Variants in EYA1 observed in about 807,000 individuals in gnomAD.
EYA1 encodes the protein protein phosphatase EYA1.
EYA1 carries 16 observed loss-of-function variants against 82.0 expected under a neutral mutation model. That is an observed-to-expected ratio of 0.20 (90% CI 0.13 to 0.30). The LOEUF (loss-of-function observed/expected upper bound fraction) is 0.30, where lower values mean the gene tolerates loss of function less well. Ranked by LOEUF, EYA1 falls within the 10% of genes least tolerant of loss-of-function variation. EYA1 has a pLI of 1.00. For missense variants in EYA1, 633 were observed against 730.7 expected (o/e 0.87, Z 1.54); for synonymous variants, 261 against 264.4 (o/e 0.99, Z 0.12).
At chr8:71,264,143 T>C (rs1586070525) in intron 11 of EYA1, among the ~76,000 whole-genome samples, 1 of 152,186 alleles carries the variant, frequency 6.6e-6, no homozygotes, top group African/African-American at 2.4e-5. Context: ...AGTAACCAGA[T>C]CTCCTGCAAC....
At chr8:71,441,267 C>A (rs1447665830) in intron 2 of EYA1, among the ~76,000 whole-genome samples, 1 of 152,066 alleles carries the variant, frequency 6.6e-6, no homozygotes, top group Non-Finnish European at 1.5e-5. Context: ...CCCAGTTGAC[C>A]AGCATGATGG....
intron 10 of EYA1, among the ~76,000 whole-genome samples, 163 bp downstream of exon 10, chr8:71,271,595 A>C (rs2128951205): frequency 6.6e-6 from 1 of 152,362 alleles, no homozygotes; most frequent in African/African-American, 2.4e-5. Flanking sequence ...TATAGTTAAT[A>C]AAGGAGAGAA....
At chr8:71,342,153 C>T (rs1332003718) in intron 3 of EYA1, among the ~76,000 whole-genome samples, 2 of 152,112 alleles carry the variant, frequency 1.3e-5, no homozygotes, top group African/African-American at 4.8e-5. Flanking sequence ...GCAACTGCTG[C>T]CAGACTAACA....
chr8:71,322,156 A>G lies in EYA1; in HGVS notation c.272+43T>C, dbSNP rs1822636137. 4 of 1,479,730 alleles carry G rather than the reference A, an allele frequency of 2.7e-6. No homozygotes were observed. The East Asian group carries it at 9.0e-5, about 33-fold the overall frequency. The allele number at this position is 1,479,730 out of a possible 1,614,324, so 91.7% of individuals were successfully genotyped here. On this transcript the variant is annotated intron_variant, in intron 5 of 17. Coordinates refer to ENST00000340726, the MANE Select transcript of EYA1 (RefSeq NM_000503.6). ...CATGACTTTAAATAAATAAAAGTCTACTCAGAGAAGTTATTTATTGATTAA... is the reference window on the plus strand; with the variant it reads ...CATGACTTTAAATAAATAAAAGTCTGCTCAGAGAAGTTATTTATTGATTAA...
At chr8:71,229,352 A>G (rs1810933210) in intron 12 of EYA1, among the ~76,000 whole-genome samples, 1 of 152,164 alleles carries the variant, frequency 6.6e-6, no homozygotes, top group Non-Finnish European at 1.5e-5. Context: ...TGTCATGTGT[A>G]TTTCACGTTC....
At position 71,197,553 on chromosome 8, in the gene EYA1, T is replaced by C. The variant is rs1806391405; in HGVS notation, c.*1787A>G. The C allele has an allele frequency of 6.6e-6, 1 of 152,542 alleles. No homozygotes were observed. The highest frequency in any genetic ancestry group is 2.4e-5 in the African/African-American group (1 of 41,450). The allele number at this position is 152,542 out of a possible 1,614,324, so 9.4% of individuals were successfully genotyped here. On this transcript the variant is annotated 3_prime_UTR_variant, in exon 18 of 18. Transcript: ENST00000340726. Reference sequence around the variant, plus strand: ...GTAAGGCCAAGATAAACTTTGTCTTTTCAGTCTGCAGAGTACAAAAACATA... The same window carrying C: ...GTAAGGCCAAGATAAACTTTGTCTTCTCAGTCTGCAGAGTACAAAAACATA...
At chr8:71,358,550 T>A (rs898226596) in intron 1 of EYA1, among the ~76,000 whole-genome samples, 2 of 152,182 alleles carry the variant, frequency 1.3e-5, no homozygotes, top group African/African-American at 4.8e-5. Context: ...TGAATCCACA[T>A]CGTGGTCCAG....
intron 1 of EYA1, among the ~76,000 whole-genome samples, chr8:71,538,207 T>C (rs955085810): frequency 2.0e-5 from 3 of 152,208 alleles, no homozygotes; most frequent in African/African-American, 7.2e-5. Flanking sequence ...TGATCTTTCA[T>C]GGTTTATAAA....
At chr8:71,274,889 CGAGA>C (rs899811231) in intron 9 of EYA1, among the ~76,000 whole-genome samples, 16 of 145,416 alleles carry the variant, frequency 1.1e-4, no homozygotes, top group African/African-American at 2.9e-4. Context: ...AGTGAGCGAG[CGAGA>C]GAGAGAGAGT....
Position 71,383,827 on chromosome 8 carries a change from G to GA in EYA1, c.34-27317dup, listed in dbSNP as rs1344820269. On this transcript the variant is annotated intron_variant, in intron 2 of 18. Transcript: ENST00000643681. The stretch of plus-strand genomic sequence containing the variant: ...TTTAATGTTTTGTTCCTTGAAAAAA[G>GA]AAAAGAAAAGATTTGGAGAATACAA... Among the ~76,000 whole-genome samples the GA allele has an allele frequency of 5.3e-5, 8 of 151,586 alleles. No individual in the cohort carries two copies. The East Asian group carries it at 9.7e-4, about 18-fold the overall frequency.
chr8:71,408,038 A>G lies in EYA1; in HGVS notation c.34-51527T>C, dbSNP rs1301399437. The stretch of plus-strand genomic sequence containing the variant: ...CAGCGGATCTCTCGGCAGAAACCCT[A>G]CAAGCCAGAAGAGAGTGGGGGCCAA... On this transcript the variant is annotated intron_variant, in intron 2 of 18. Coordinates refer to the EYA1 transcript ENST00000643681. Among the ~76,000 whole-genome samples the G allele has an allele frequency of 5.9e-5, 9 of 152,060 alleles. No individual in the cohort carries two copies. The East Asian group carries it at 1.7e-3, about 29-fold the overall frequency.
intron 2 of EYA1, among the ~76,000 whole-genome samples, chr8:71,464,688 T>C (rs1808651578): frequency 6.6e-6 from 1 of 152,212 alleles, no homozygotes. Context: ...TAATTTGAGA[T>C]TTCTAATCCT....
At chr8:71,442,779 C>T (rs977320301) in intron 2 of EYA1, among the ~76,000 whole-genome samples, 1 of 152,134 alleles carries the variant, frequency 6.6e-6, no homozygotes, top group African/African-American at 2.4e-5. Flanking sequence ...GCTTACTTGA[C>T]CAAAATCACA....
At chr8:71,214,277 C>T (rs1808900769) in intron 16 of EYA1, among the ~76,000 whole-genome samples, 1 of 152,122 alleles carries the variant, frequency 6.6e-6, no homozygotes, top group South Asian at 2.1e-4. Context: ...ACCTTTTCAG[C>T]TTTGGCTTCT....
intron 2 of EYA1, among the ~76,000 whole-genome samples, chr8:71,522,713 G>A (rs1352982586): frequency 6.6e-6 from 1 of 151,568 alleles, no homozygotes; most frequent in Non-Finnish European, 1.5e-5. Flanking sequence ...TGACCTCCAG[G>A]GCTCAAGTGC....
intron 2 of EYA1, among the ~76,000 whole-genome samples, chr8:71,413,923 C>T (rs1830729913): frequency 6.6e-6 from 1 of 152,198 alleles, no homozygotes; most frequent in South Asian, 2.1e-4. Flanking sequence ...ACAAGTGTCA[C>T]AAGCTGGGTT....
intron 11 of EYA1, among the ~76,000 whole-genome samples, chr8:71,262,574 A>G (rs1296224619): frequency 6.6e-6 from 1 of 152,204 alleles, no homozygotes; most frequent in African/African-American, 2.4e-5. Flanking sequence ...AGGGAGGTCC[A>G]AAGTTGCAGG....
chr8:71,275,062 G>A (rs1816999439), intron 9 of EYA1, among the ~76,000 whole-genome samples: 1 of 149,734 alleles, frequency 6.7e-6, no homozygotes, highest in Non-Finnish European at 1.5e-5. Context: ...AGGCTGGAGT[G>A]GCAGGTAAAG....
chr8:71,431,573 T>C (rs1309880071), intron 2 of EYA1, among the ~76,000 whole-genome samples: 1 of 152,196 alleles, frequency 6.6e-6, no homozygotes, highest in South Asian at 2.1e-4. Context: ...CTAGGGTCTT[T>C]AAAATATGCT....
Sources: allele counts gnomAD v4.1 joint callset (sites outside exome capture counted in the v4.1 genomes callset), GRCh38; gene constraint gnomAD v4.1.1; transcripts MANE v1.5; gene names NCBI Gene and HGNC (gene_info 2026-07-23, HGNC 2026-07-21).